The following DNASE1L3 variants were observed in gnomAD, a reference collection of about 807,000 sequenced individuals.
DNASE1L3 encodes deoxyribonuclease gamma.
Under a neutral mutation model 30.9 loss-of-function variants are expected in DNASE1L3, and 27 were observed. That is an observed-to-expected ratio of 0.87 (90% CI 0.64 to 1.20). The LOEUF (loss-of-function observed/expected upper bound fraction) is 1.20. DNASE1L3 is among the 50% of genes most tolerant of loss of function. The probability of loss-of-function intolerance (pLI) is 0.00; values close to 1 mark genes in which losing one functional copy is unlikely to be tolerated. For missense variants in DNASE1L3, 364 were observed against 378.2 expected (o/e 0.96, Z 0.31); for synonymous variants, 135 against 138.0 (o/e 0.98, Z 0.15).
chr3:58,193,251 G>A (rs933067905), intron 7 of DNASE1L3, 92 bp downstream of exon 7: 7 of 1,523,426 alleles, frequency 4.6e-6, no homozygotes, highest in African/African-American at 1.4e-5. Flanking sequence ...TAATTTTTTT[G>A]AATTTTTCAT....
chr3:58,204,697 C>T, intron 4 of DNASE1L3, 72 bp downstream of exon 4: 1 of 1,309,934 alleles, frequency 7.6e-7, no homozygotes, highest in Non-Finnish European at 1.1e-6. Flanking sequence ...TTAATGGGCT[C>T]ATGCTCAAGG....
intron 7 of DNASE1L3, chr3:58,193,131 C>CA: frequency 7.1e-7 from 1 of 1,416,352 alleles, no homozygotes; most frequent in East Asian, 2.6e-5. Flanking sequence ...GCCTGGAGTG[C>CA]AGTGGTGCGA....
chr3:58,193,401 A>T lies in DNASE1L3; in HGVS notation c.743T>A (p.Val248Asp). ...GTCAAAAACACTGTTTGACTTGGGA[A>T]CAACAGAACTGACGATTTCTTGTCC... Reference protein sequence around the residue: ...LRGQEIVSSVVPKSNSVFDFQ... With the variant: ...LRGQEIVSSVDPKSNSVFDFQ... Residue 248 changes from valine to aspartate, a missense_variant, in exon 7 of 8, where the codon GTT (valine) becomes GAT (aspartate). Val to Asp is a radical substitution (Grantham distance 152). Coordinates refer to ENST00000394549, the MANE Select transcript of DNASE1L3 (RefSeq NM_004944.4). The T allele has an allele frequency of 6.2e-7, 1 of 1,614,126 alleles. No individual in the cohort carries two copies. Among genetic ancestry groups the T allele is most frequent in the Non-Finnish European group, 8.5e-7 (1 of 1,179,978 alleles).
At position 58,200,092 on chromosome 3, in the gene DNASE1L3, A is replaced by G. The variant is rs1257964705; in HGVS notation, c.546+905T>C. ...ACAGCCACAAGTGGTCTCTTCCAAA[A>G]GTGGAAAGAACTGAGCCTATAGGGA... On this transcript the variant is annotated intron_variant, in intron 5 of 7. Transcript: ENST00000394549. This position sits in a 1 kb window ranked among gnomAD's most constrained non-coding sequence, Gnocchi z 4.2. Among the ~76,000 whole-genome samples, 4 of 152,188 alleles carry G rather than the reference A, an allele frequency of 2.6e-5. No homozygotes were observed. Among genetic ancestry groups the G allele is most frequent in the African/African-American group, 7.2e-5 (3 of 41,440 alleles).
At chr3:58,201,847 C>T (rs575539947) in intron 4 of DNASE1L3, among the ~76,000 whole-genome samples, 15 of 152,346 alleles carry the variant, frequency 9.8e-5, no homozygotes, top group Admixed American at 3.3e-4. Flanking sequence ...GTTCCATCTG[C>T]AAGGAGCACC....
At chr3:58,201,209 C>T in intron 4 of DNASE1L3, 100 bp from the exon 5 acceptor site, 1 of 819,868 alleles carries the variant, frequency 1.2e-6, no homozygotes, top group Non-Finnish European at 1.9e-6. Context: ...AAGGCACAGG[C>T]TGCATTATCT....
At chr3:58,194,567 A>C (rs78583099) in intron 6 of DNASE1L3, among the ~76,000 whole-genome samples, 28,292 of 147,928 alleles carry the variant, frequency 0.19, 3,835 homozygotes, top group East Asian at 0.63. Context: ...TGATCCGCCC[A>C]CCTCAACCTC....
chr3:58,208,800 T>G (rs970927080), intron 1 of DNASE1L3, among the ~76,000 whole-genome samples: 4 of 152,240 alleles, frequency 2.6e-5, no homozygotes, highest in African/African-American at 9.6e-5. Context: ...GGGGTAACTA[T>G]GCTTATTAGC....
chr3:58,208,386 T>C (rs1372428893), intron 1 of DNASE1L3, 80 bp from the exon 2 acceptor site: 10 of 1,433,268 alleles, frequency 7.0e-6, no homozygotes, highest in Admixed American at 1.7e-5. Context: ...CTTACTGTTT[T>C]TAAGTATTGC....
rs898505695 is a variant in DNASE1L3, at chr3:58,204,103, G to C, written c.433+666C>G. Among the ~76,000 whole-genome samples the C allele has an allele frequency of 2.9e-4, 44 of 151,500 alleles. 2 individuals carry two copies. ...GATGCAGTGACTGGAGGGAGAGTGA[G>C]CCTCTAGGCTAGGGGTTCACCTAAG... On this transcript the variant is annotated intron_variant, in intron 4 of 7. Coordinates refer to ENST00000394549, the MANE Select transcript of DNASE1L3 (RefSeq NM_004944.4).
Position 58,192,717 on chromosome 3 carries a change from T to TA in DNASE1L3, c.887dup (p.Arg297LysfsTer18). 6.2e-7 allele frequency: 1 copy of TA among 1,614,148 alleles called. No individual in the cohort carries two copies. The highest frequency in any genetic ancestry group is 8.5e-7 in the Non-Finnish European group (1 of 1,180,008). On this transcript the variant is annotated frameshift_variant, in exon 8 of 8. Coordinates refer to ENST00000394549, the MANE Select transcript of DNASE1L3 (RefSeq NM_004944.4). LOFTEE classifies it high-confidence loss of function. The surrounding 1 kb of genome is among the most constrained non-coding windows in gnomAD (Gnocchi z 4.8). The stretch of plus-strand genomic sequence containing the variant: ...AGCGTTTGCTCTTTGTTTTCTTCCT[T>TA]AGAGTGACAGATTTTTTGCTGTTGG...
chr3:58,196,832 G>A (rs1258658358), intron 6 of DNASE1L3, among the ~76,000 whole-genome samples: 1 of 152,200 alleles, frequency 6.6e-6, no homozygotes, highest in Admixed American at 6.5e-5. Flanking sequence ...TAAAAAGCAC[G>A]AGGGAATGCT....
chr3:58,204,973 A>T, intron 3 of DNASE1L3, 92 bp from the exon 4 acceptor site: 1 of 1,182,494 alleles, frequency 8.5e-7, no homozygotes, highest in Non-Finnish European at 1.2e-6. Flanking sequence ...TGGCTTTCTC[A>T]GAAGCCAGAG....
rs751426201 is a variant in DNASE1L3, at chr3:58,192,676, G to A, written c.*11C>T. On this transcript the variant is annotated 3_prime_UTR_variant, in exon 8 of 8. Transcript: ENST00000394549. The surrounding 1 kb of genome is among the most constrained non-coding windows in gnomAD (Gnocchi z 4.8). The stretch of plus-strand genomic sequence containing the variant: ...AGGCAAGAAATGGTTAATAAGATGA[G>A]ACCCTTGGGTCTAGGAGCGTTTGCT... 3 of 1,610,324 alleles carry A rather than the reference G, an allele frequency of 1.9e-6. No homozygotes were observed. In the South Asian group the frequency reaches 3.3e-5, roughly 18 times the overall value.
At chr3:58,205,849 A>T (rs1201408160) in intron 2 of DNASE1L3, among the ~76,000 whole-genome samples, 1 of 151,802 alleles carries the variant, frequency 6.6e-6, no homozygotes, top group Non-Finnish European at 1.5e-5. Context: ...GATCCAACTC[A>T]CCCCAAAACC....
intron 2 of DNASE1L3, among the ~76,000 whole-genome samples, chr3:58,207,449 C>A (rs866467671): frequency 2.2e-4 from 12 of 53,410 alleles, no homozygotes; most frequent in African/African-American, 7.6e-4. Flanking sequence ...ACACCCCCCC[C>A]CCCCCCACCA....
At position 58,192,527 on chromosome 3, in the gene DNASE1L3, A is replaced by ATT; in HGVS notation, c.*159_*160insAA. ...AGGTATGAGACCAAGAGAGATACAAAAGATTCTCCTTCCAATTTGGCTCAA... is the reference window on the plus strand; with the variant it reads ...AGGTATGAGACCAAGAGAGATACAAATTAGATTCTCCTTCCAATTTGGCTCAA... On this transcript the variant is annotated 3_prime_UTR_variant, in exon 8 of 8. Coordinates refer to ENST00000394549, the MANE Select transcript of DNASE1L3 (RefSeq NM_004944.4). The surrounding 1 kb of genome is among the most constrained non-coding windows in gnomAD (Gnocchi z 4.8). 1.3e-6 allele frequency: 1 copy of ATT among 748,400 alleles called. No individual in the cohort carries two copies. The highest frequency in any genetic ancestry group is 2.1e-6 in the Non-Finnish European group (1 of 471,502). 46.4% of individuals were successfully genotyped at this position (748,400 alleles called of 1,614,324 possible).
At chr3:58,195,954 C>A (rs1420862601) in intron 6 of DNASE1L3, among the ~76,000 whole-genome samples, 1 of 152,242 alleles carries the variant, frequency 6.6e-6, no homozygotes, top group Non-Finnish European at 1.5e-5. Context: ...CTTTTTCTAA[C>A]CTGTTCTACC....
At position 58,193,426 on chromosome 3, in the gene DNASE1L3, C is replaced by G. The variant is rs778660483; in HGVS notation, c.718G>C (p.Gly240Arg). ...ACAACAGAACTGACGATTTCTTGTC[C>G]TCTAAGCACAATCCTGGAACAAGGG... The part of the protein sequence containing the change: ...NCAYDRIVLR[G>R]QEIVSSVVPK... Residue 240 changes from glycine to arginine, a missense_variant, in exon 7 of 8, where the codon GGA becomes CGA. Physicochemically the swap from Gly to Arg is moderately radical, Grantham distance 125. Transcript: ENST00000394549. 1 of 1,613,232 alleles carries G rather than the reference C, an allele frequency of 6.2e-7. No individual in the cohort carries two copies.
Sources: allele counts gnomAD v4.1 joint callset (sites outside exome capture counted in the v4.1 genomes callset), GRCh38; gene constraint gnomAD v4.1.1; non-coding constraint Gnocchi (gnomAD v3.1); transcripts MANE v1.5; gene names NCBI Gene and HGNC (gene_info 2026-07-23, HGNC 2026-07-21).